The following CATSPERG variants were observed in gnomAD, a reference collection of about 807,000 sequenced individuals.
CATSPERG encodes the protein cation channel sperm-associated auxiliary subunit gamma.
Under a neutral mutation model 145.0 loss-of-function variants are expected in CATSPERG, and 115 were observed. The ratio of observed to expected loss-of-function variants is 0.79; its 90% confidence interval spans 0.68 to 0.93. The LOEUF is 0.93. Among genes scored for constraint, CATSPERG ranks in the 40% least tolerant of loss-of-function variants. The pLI is 0.00. For synonymous variants in CATSPERG, 588 were observed against 589.0 expected, an observed-to-expected ratio of 1.00 and a Z score of 0.02; for missense variants, 1,296 against 1,490.1, an observed-to-expected ratio of 0.87 and a Z score of 2.14.
chr19:38,340,073 C>T (rs890448303), intron 3 of CATSPERG, among the ~76,000 whole-genome samples: 4 of 151,744 alleles, frequency 2.6e-5, no homozygotes, highest in Admixed American at 6.6e-5. Context: ...AGGCTGGTCT[C>T]GAACTCCTGA....
chr19:38,342,077 TAAA>T (rs36074744), intron 3 of CATSPERG, among the ~76,000 whole-genome samples: 52 of 124,970 alleles, frequency 4.2e-4, no homozygotes, highest in Non-Finnish European at 3.5e-4. Flanking sequence ...GACCTTATCT[TAAA>T]AAAAAAAAAA....
In CATSPERG at chr19:38,343,732, T is replaced by A; in HGVS notation, c.469+8T>A. The A allele has an allele frequency of 6.8e-7, 1 of 1,460,862 alleles. No individual in the cohort carries two copies. The allele number at this position is 1,460,862 out of a possible 1,614,324, so 90.5% of individuals were successfully genotyped here. A position where few individuals can be genotyped will look rare whatever the true frequency, so the allele number is the denominator to read the frequency against. ...CCCCCTTCCGCAGCAAAGGTGGGCC[T>A]GGGGGAGGCGGGAGGGATCGCAACC... On this transcript the variant is annotated splice_region_variant and intron_variant, in intron 4 of 28. Transcript: ENST00000409235.
At position 38,356,794 on chromosome 19, in the gene CATSPERG, A is replaced by G; in HGVS notation, c.1248A>G (p.Leu416=). 2 of 1,614,034 alleles carry G rather than the reference A, an allele frequency of 1.2e-6. No homozygotes were observed. Among genetic ancestry groups the G allele is most frequent in the Non-Finnish European group, 1.7e-6 (2 of 1,179,936 alleles). Residue 416 remains leucine, a synonymous_variant, in exon 11 of 29, where the codon CTA becomes CTG. Coordinates refer to ENST00000409235, the MANE Select transcript of CATSPERG (RefSeq NM_021185.5). ...WSEYIAGEYT[L]LLLVESGYGN... The stretch of plus-strand genomic sequence containing the variant: ...AATACATCGCGGGTGAGTATACTCT[A>G]CTGCTGCTGGTGGAGAGTGGATATG...
At chr19:38,361,946 G>GAGCGC in intron 17 of CATSPERG, 85 bp downstream of exon 17, 3 of 1,073,770 alleles carry the variant, frequency 2.8e-6, no homozygotes, top group Non-Finnish European at 4.1e-6. Context: ...CTGTGGAGCG[G>GAGCGC]AGCGCAGCGG....
intron 3 of CATSPERG, among the ~76,000 whole-genome samples, chr19:38,338,509 A>C (rs183234084): frequency 6.6e-6 from 1 of 151,942 alleles, no homozygotes; most frequent in Non-Finnish European, 1.5e-5. Context: ...ACACACCATA[A>C]AATTCACCAT....
At chr19:38,337,538 T>G (rs1969862548) in intron 2 of CATSPERG, 34 bp downstream of exon 2, 1 of 1,551,804 alleles carries the variant, frequency 6.4e-7, no homozygotes, top group Non-Finnish European at 8.7e-7. Context: ...ACCAGAGGGA[T>G]TTTGAACCCG....
In CATSPERG at chr19:38,344,898, TA is replaced by T. The variant is rs1291455724; in HGVS notation, c.669+531del. Among the ~76,000 whole-genome samples, 74 of 106,268 alleles carry T rather than the reference TA, an allele frequency of 7.0e-4. 7 individuals are homozygous for T. Among genetic ancestry groups the T allele is most frequent in the Admixed American group, 1.2e-3 (11 of 8,836 alleles). The allele number at this position is 106,268 out of a possible 152,430, so 69.7% of individuals were successfully genotyped here. On this transcript the variant is annotated intron_variant, in intron 6 of 28. Transcript: ENST00000409235. ...ACACACACACATATATATATATATA[TA>T]TATTTTTTTTTTTTTTTTTTTTTTT... is the stretch of plus-strand genomic sequence containing the variant.
intron 10 of CATSPERG, 71 bp downstream of exon 10, chr19:38,356,614 T>G (rs1600469039): frequency 1.9e-6 from 3 of 1,588,128 alleles, no homozygotes; most frequent in East Asian, 2.2e-5. Flanking sequence ...CAGGGGAGGG[T>G]GGCAGGGGTC....
At chr19:38,356,582 G>C (rs758454852) in intron 10 of CATSPERG, 39 bp downstream of exon 10, 23 of 1,607,546 alleles carry the variant, frequency 1.4e-5, no homozygotes, top group Non-Finnish European at 1.9e-5. Flanking sequence ...GGGAGGCTGG[G>C]GGAACTGAGG....
intron 1 of CATSPERG, chr19:38,336,268 A>G (rs750807644): frequency 2.2e-6 from 1 of 454,028 alleles, no homozygotes; most frequent in South Asian, 1.6e-5. Flanking sequence ...GCGAGGAAAC[A>G]ACGAAGGGCG....
chr19:38,356,045 G>A (rs867787865), intron 9 of CATSPERG, among the ~76,000 whole-genome samples: 2 of 152,256 alleles, frequency 1.3e-5, no homozygotes. Flanking sequence ...AGGTCTTAGT[G>A]CTAGTGATGT....
At chr19:38,359,632 C>A in intron 14 of CATSPERG, 51 bp downstream of exon 14, 1 of 1,562,766 alleles carries the variant, frequency 6.4e-7, no homozygotes, top group Non-Finnish European at 8.7e-7. Flanking sequence ...CCCCCAAACC[C>A]CAGGGGCCCC....
At chr19:38,356,953 A>T (rs1181269408) in intron 11 of CATSPERG, 92 bp downstream of exon 11, 2 of 1,513,000 alleles carry the variant, frequency 1.3e-6, no homozygotes, top group Admixed American at 3.6e-5. Context: ...TGCCCAGCAG[A>T]CAGAGGGAGG....
intron 8 of CATSPERG, 163 bp downstream of exon 8, chr19:38,352,595 C>CTT (rs576701757): frequency 0.055 from 16,785 of 305,852 alleles, 548 homozygotes; most frequent in Admixed American, 0.075. Context: ...TTGCCTTGCC[C>CTT]TTTTTTTTTT....
At chr19:38,339,056 G>A (rs912233410) in intron 3 of CATSPERG, among the ~76,000 whole-genome samples, 3 of 152,130 alleles carry the variant, frequency 2.0e-5, no homozygotes, top group South Asian at 4.1e-4. Context: ...GTGTATGGAG[G>A]CTGCTAAAGC....
intron 9 of CATSPERG, 52 bp from the exon 10 acceptor site, chr19:38,356,431 GC>G: frequency 6.3e-7 from 1 of 1,579,180 alleles, no homozygotes; most frequent in African/African-American, 1.3e-5. Flanking sequence ...GGCTTGATGG[GC>G]TGCCAGACAG....
chr19:38,343,514 G>A (rs1969972268), intron 3 of CATSPERG, 66 bp from the exon 4 acceptor site: 3 of 1,417,512 alleles, frequency 2.1e-6, no homozygotes, highest in African/African-American at 1.4e-5. Context: ...GTTAGAGGCG[G>A]GCTTAAGGCA....
At position 38,360,678 on chromosome 19, in the gene CATSPERG, G is replaced by A. The variant is rs8101496; in HGVS notation, c.1767+31G>A. Reference sequence around the variant, plus strand: ...CGGTGGAGCTATGCGGGGACATCGGGGCACCCCAGGAGGGCTGACCCCAGC... The same window carrying A: ...CGGTGGAGCTATGCGGGGACATCGGAGCACCCCAGGAGGGCTGACCCCAGC... On this transcript the variant is annotated intron_variant, in intron 15 of 28. Coordinates refer to ENST00000409235, the MANE Select transcript of CATSPERG (RefSeq NM_021185.5). 0.014 allele frequency: 22,372 copies of A among 1,613,990 alleles called. 2,377 individuals are homozygous for A. In the African/African-American group the frequency reaches 0.25, roughly 18 times the overall value.
In CATSPERG at chr19:38,367,222, T is replaced by C. The variant is rs200676310; in HGVS notation, c.2680T>C (p.Tyr894His). The stretch of plus-strand genomic sequence containing the variant: ...CAAGCGCCTGGCCTTCGACATCACC[T>C]ACACGCTGGAATACAGCCGCCTGAA... The part of the protein sequence containing the change: ...PGKRLAFDIT[Y>H]TLEYSRLKNK... Residue 894 changes from tyrosine (Y) to histidine (H), a missense_variant, in exon 23 of 29, where the codon TAC becomes CAC. By Grantham distance (83) the Tyr-to-His change is moderately conservative. Coordinates refer to ENST00000409235, the MANE Select transcript of CATSPERG (RefSeq NM_021185.5). The C allele has an allele frequency of 1.9e-6, 3 of 1,613,804 alleles. No homozygotes were observed. In the African/African-American group the frequency reaches 4.0e-5, roughly 22 times the overall value.
Sources: allele counts gnomAD v4.1 joint callset (sites outside exome capture counted in the v4.1 genomes callset), GRCh38; gene constraint gnomAD v4.1.1; transcripts MANE v1.5; gene names NCBI Gene and HGNC (gene_info 2026-07-23, HGNC 2026-07-21).